Variants in GPR158 observed in about 807,000 individuals in gnomAD.
GPR158 encodes metabotropic glycine receptor.
In GPR158, 30 loss-of-function variants were observed where a neutral mutation model predicts 78.2. That is an observed-to-expected ratio of 0.38 (90% CI 0.29 to 0.52). GPR158 has a LOEUF of 0.52. Among genes scored for constraint, GPR158 ranks in the 20% least tolerant of loss-of-function variants. The pLI is 0.83. For synonymous variants in GPR158, 581 were observed against 591.1 expected (o/e 0.98, Z 0.25); for missense variants, 1,463 against 1,523.5 (o/e 0.96, Z 0.66).
intron 1 of GPR158, among the ~76,000 whole-genome samples, chr10:25,192,088 C>G (rs960904660): frequency 6.6e-6 from 1 of 152,092 alleles, no homozygotes; most frequent in African/African-American, 2.4e-5. Flanking sequence ...CCATAATTCC[C>G]ACGTGTCAAG....
At chr10:25,504,124 C>G (rs1453659073) in intron 5 of GPR158, among the ~76,000 whole-genome samples, 1 of 152,202 alleles carries the variant, frequency 6.6e-6, no homozygotes, top group Non-Finnish European at 1.5e-5. Context: ...CTCCTGATCT[C>G]AAGTGATCCA....
At chr10:25,571,750 G>A (rs1365674060) in intron 6 of GPR158, among the ~76,000 whole-genome samples, 1 of 152,072 alleles carries the variant, frequency 6.6e-6, no homozygotes, top group Non-Finnish European at 1.5e-5. Context: ...AATATTTAGA[G>A]ATAGAACAGT....
At chr10:25,478,258 A>G (rs1164531045) in intron 5 of GPR158, among the ~76,000 whole-genome samples, 1 of 152,222 alleles carries the variant, frequency 6.6e-6, no homozygotes, top group Non-Finnish European at 1.5e-5. Flanking sequence ...GCAACAGGTT[A>G]TCATCTTTGC....
In GPR158 at chr10:25,257,882, C is replaced by A. The variant is rs572160582; in HGVS notation, c.1008+36725C>A. ...AACAGTCTTCTCTCTTCTGTCCATG[C>A]GGGTTAGGAAAAATGAAGAGATGAA... is the stretch of plus-strand genomic sequence containing the variant. On this transcript the variant is annotated intron_variant, in intron 2 of 10. Transcript: ENST00000376351. Among the ~76,000 whole-genome samples the A allele has an allele frequency of 3.3e-4, 50 of 152,140 alleles. No individual in the cohort carries two copies. The South Asian group carries it at 7.3e-3, about 22-fold the overall frequency.
rs375395160 is a variant in GPR158 at position 25,303,199 on chromosome 10, A to G, written c.1008+82042A>G. ...AACTGCTAGCCACGTGTAGCTATATAAATTTACATTTTAATTAATTAAAAT... is the reference window on the plus strand; with the variant it reads ...AACTGCTAGCCACGTGTAGCTATATGAATTTACATTTTAATTAATTAAAAT... On this transcript the variant is annotated intron_variant, in intron 2 of 10. Coordinates refer to ENST00000376351, the MANE Select transcript of GPR158 (RefSeq NM_020752.3). Among the ~76,000 whole-genome samples, 21 of 152,332 alleles carry G rather than the reference A, an allele frequency of 1.4e-4. No homozygotes were observed. In the East Asian group the frequency reaches 4.0e-3, roughly 29 times the overall value.
At chr10:25,560,342 T>C (rs1187976694) in intron 6 of GPR158, among the ~76,000 whole-genome samples, 2 of 152,234 alleles carry the variant, frequency 1.3e-5, no homozygotes, top group Admixed American at 6.5e-5. Context: ...CTCGGCTCAC[T>C]GCAAGCTCCG....
chr10:25,183,670 T>C (rs1852643410), intron 1 of GPR158, among the ~76,000 whole-genome samples: 1 of 152,210 alleles, frequency 6.6e-6, no homozygotes, highest in Non-Finnish European at 1.5e-5. Flanking sequence ...AACAAGACAA[T>C]GTAGGATTTT....
intron 2 of GPR158, among the ~76,000 whole-genome samples, chr10:25,314,862 C>CATATATATAT (rs67847605): frequency 6.8e-4 from 76 of 111,374 alleles, no homozygotes; most frequent in African/African-American, 3.1e-3. Flanking sequence ...CACACACTGT[C>CATATATATAT]ATATATATAT....
At chr10:25,319,654 AT>A (rs767448631) in intron 2 of GPR158, among the ~76,000 whole-genome samples, 21 of 152,210 alleles carry the variant, frequency 1.4e-4, no homozygotes, top group Non-Finnish European at 2.6e-4. Context: ...GAACATTATA[AT>A]TAAGATAAAT....
At chr10:25,188,658 T>A (rs1018209366) in intron 1 of GPR158, among the ~76,000 whole-genome samples, 1 of 152,152 alleles carries the variant, frequency 6.6e-6, no homozygotes, top group Admixed American at 6.6e-5. Flanking sequence ...ACTTAAACGT[T>A]AGACCTAAAA....
chr10:25,375,815 A>G (rs1834071090), intron 2 of GPR158, among the ~76,000 whole-genome samples: 1 of 151,588 alleles, frequency 6.6e-6, no homozygotes, highest in South Asian at 2.1e-4. Context: ...ATAATATTGA[A>G]TAGATTGATT....
intron 5 of GPR158, among the ~76,000 whole-genome samples, chr10:25,531,127 T>C (rs147185104): frequency 1.9e-3 from 291 of 152,324 alleles, no homozygotes; most frequent in Non-Finnish European, 3.2e-3. Flanking sequence ...GAACAATTCT[T>C]TTTTTGGAAC....
intron 4 of GPR158, among the ~76,000 whole-genome samples, chr10:25,433,062 T>A (rs1834934336): frequency 6.6e-6 from 1 of 152,190 alleles, no homozygotes; most frequent in Non-Finnish European, 1.5e-5. Context: ...TTGGATATTA[T>A]CCTCATTTTA....
At chr10:25,526,242 C>T (rs1474166845) in intron 5 of GPR158, among the ~76,000 whole-genome samples, 1 of 148,610 alleles carries the variant, frequency 6.7e-6, no homozygotes, top group African/African-American at 2.5e-5. Context: ...AACTGAAAAA[C>T]TATCAAAAGC....
intron 2 of GPR158, among the ~76,000 whole-genome samples, chr10:25,344,762 A>T (rs528310441): frequency 6.6e-6 from 1 of 152,050 alleles, no homozygotes; most frequent in African/African-American, 2.4e-5. Context: ...TTCATATGTT[A>T]GTTTGGGCTG....
At chr10:25,455,496 G>A (rs934378076) in intron 4 of GPR158, among the ~76,000 whole-genome samples, 9 of 151,384 alleles carry the variant, frequency 5.9e-5, no homozygotes, top group Non-Finnish European at 7.4e-5. Context: ...TCTGTCTTTC[G>A]TGTCTTTCTG....
intron 2 of GPR158, among the ~76,000 whole-genome samples, chr10:25,245,903 A>T (rs1158334446): frequency 6.6e-6 from 1 of 152,234 alleles, no homozygotes; most frequent in East Asian, 1.9e-4. Context: ...TTATTAAATT[A>T]GGCATTATTT....
At chr10:25,537,925 C>T (rs145771796) in intron 5 of GPR158, among the ~76,000 whole-genome samples, 101 of 152,256 alleles carry the variant, frequency 6.6e-4, no homozygotes, top group African/African-American at 2.3e-3. Context: ...TCCTGTAGAG[C>T]CTGCGGAACT....
intron 2 of GPR158, among the ~76,000 whole-genome samples, chr10:25,234,257 C>T (rs1853493222): frequency 6.6e-6 from 1 of 152,180 alleles, no homozygotes; most frequent in Non-Finnish European, 1.5e-5. Context: ...TCAGTTGTTC[C>T]CCTCTGCCTT....
Sources: gnomAD v4.1 joint callset for allele counts (sites outside exome capture counted in the v4.1 genomes callset) on GRCh38, gnomAD v4.1.1 for gene constraint, MANE v1.5 for transcripts, NCBI Gene and HGNC (gene_info 2026-07-23, HGNC 2026-07-21) for gene names.